Variants in CHL1 observed in about 807,000 individuals in gnomAD.
CHL1 encodes neural cell adhesion molecule L1-like protein.
CHL1 carries 96 observed loss-of-function variants against 141.9 expected under a neutral mutation model. That is an observed-to-expected ratio of 0.68 (90% confidence interval 0.57 to 0.80). The LOEUF is 0.80. Ranked by LOEUF, CHL1 falls within the 30% of genes least tolerant of loss-of-function variation. The probability of loss-of-function intolerance (pLI) is 0.00; values close to 1 mark genes in which losing one functional copy is unlikely to be tolerated. For synonymous variants in CHL1, 613 were observed against 502.2 expected, an observed-to-expected ratio of 1.22 and a Z score of -2.95; for missense variants, 1,820 against 1,457.2, an observed-to-expected ratio of 1.25 and a Z score of -4.05.
At chr3:382,787 G>A in intron 18 of CHL1, 116 bp downstream of exon 18, 1 of 887,742 alleles carries the variant, frequency 1.1e-6, no homozygotes, top group Non-Finnish European at 1.8e-6. Flanking sequence ...TCCAAATAGT[G>A]TTAACAGTTC....
intron 1 of CHL1, among the ~76,000 whole-genome samples, chr3:228,180 A>G (rs1384717555): frequency 6.6e-6 from 1 of 152,336 alleles, no homozygotes; most frequent in Non-Finnish European, 1.5e-5. Context: ...CTTAAAAACA[A>G]TATGTTTTTT....
intron 26 of CHL1, among the ~76,000 whole-genome samples, chr3:400,888 C>T (rs554888377): frequency 7.1e-6 from 1 of 141,752 alleles, no homozygotes; most frequent in East Asian, 2.2e-4. Context: ...TGTATAACAA[C>T]CAAATGACTG....
chr3:381,582 T>A (rs1399130030), intron 16 of CHL1, among the ~76,000 whole-genome samples: 1 of 152,196 alleles, frequency 6.6e-6, no homozygotes, highest in Non-Finnish European at 1.5e-5. Context: ...TGAGGTATCT[T>A]GAACTGGAGT....
At chr3:337,030 A>T (rs1036927946) in intron 5 of CHL1, among the ~76,000 whole-genome samples, 4 of 148,532 alleles carry the variant, frequency 2.7e-5, no homozygotes, top group African/African-American at 9.9e-5. Flanking sequence ...TATGACACTG[A>T]ATAATAAATG....
rs558032783 is a variant in CHL1, at chr3:378,265, A to C, written c.1876+323A>C. Among the ~76,000 whole-genome samples the C allele has an allele frequency of 3.3e-5, 5 of 152,240 alleles. No individual in the cohort carries two copies. The East Asian group carries it at 9.7e-4, about 29-fold the overall frequency. Reference sequence around the variant, plus strand: ...GCTACTCTTTCCTGGTGTACAAAGAAATGGGGCTGAGGAATGGAGGTGGGC... The same window carrying C: ...GCTACTCTTTCCTGGTGTACAAAGACATGGGGCTGAGGAATGGAGGTGGGC... On this transcript the variant is annotated intron_variant, in intron 16 of 27. Coordinates refer to ENST00000256509, the MANE Select transcript of CHL1 (RefSeq NM_006614.4).
chr3:335,961 G>C (rs908164724), intron 5 of CHL1, among the ~76,000 whole-genome samples: 1 of 152,024 alleles, frequency 6.6e-6, no homozygotes, highest in Non-Finnish European at 1.5e-5. Context: ...TTAAGTGCTT[G>C]CTCCTATTTT....
intron 2 of CHL1, among the ~76,000 whole-genome samples, chr3:279,994 G>A (rs1439309432): frequency 6.6e-6 from 1 of 151,570 alleles, no homozygotes; most frequent in African/African-American, 2.4e-5. Context: ...TTCACACTGA[G>A]TATTTTTTAA....
chr3:298,578 T>C (rs1234520589), intron 2 of CHL1, among the ~76,000 whole-genome samples: 1 of 152,242 alleles, frequency 6.6e-6, no homozygotes, highest in Middle Eastern at 3.2e-3. Flanking sequence ...TAAGCAGTGC[T>C]AGATAGTGAG....
At chr3:200,157 C>T (rs2125319450) in intron 1 of CHL1, among the ~76,000 whole-genome samples, 1 of 152,184 alleles carries the variant, frequency 6.6e-6, no homozygotes, top group East Asian at 1.9e-4. Context: ...ATTATTTTGC[C>T]CTTTAATTTA....
chr3:279,073 G>A (rs149244052), intron 2 of CHL1, among the ~76,000 whole-genome samples: 1 of 152,226 alleles, frequency 6.6e-6, no homozygotes, highest in Non-Finnish European at 1.5e-5. Flanking sequence ...GAATGATGCC[G>A]GATATTCAGT....
At chr3:379,032 GT>G (rs747525565) in intron 16 of CHL1, among the ~76,000 whole-genome samples, 4 of 152,078 alleles carry the variant, frequency 2.6e-5, no homozygotes, top group Non-Finnish European at 5.9e-5. Context: ...AAAAGTGTTG[GT>G]TTTGCCTACC....
rs145679045 is a variant in CHL1 at position 398,261 on chromosome 3, T to C, written c.3129T>C (p.Leu1043=). The C allele has an allele frequency of 3.7e-6, 6 of 1,606,302 alleles. No homozygotes were observed. The African/African-American group carries it at 8.0e-5, about 21-fold the overall frequency. Residue 1043 remains leucine, a synonymous_variant, in exon 25 of 28, where the codon CTT becomes CTC. Transcript: ENST00000256509. Reference sequence around the variant, plus strand: ...TCGGGAAGATATCAGGAGTAAATCTTACTCAAAAGACTCACCCAATAGAGG... The same window carrying C: ...TCGGGAAGATATCAGGAGTAAATCTCACTCAAAAGACTCACCCAATAGAGG... The part of the protein sequence containing the change: ...KGIGKISGVN[L]TQKTHPIEVF...
chr3:226,356 A>G (rs4685476), intron 1 of CHL1, among the ~76,000 whole-genome samples: 4 of 119,238 alleles, frequency 3.4e-5, no homozygotes, highest in Non-Finnish European at 5.2e-5. Flanking sequence ...TCTATTATAT[A>G]TTATATAATA....
Position 361,685 on chromosome 3 carries a change from T to A in CHL1, c.1307-14T>A, listed in dbSNP as rs748467970. The A allele has an allele frequency of 1.2e-4, 184 of 1,581,488 alleles. No individual in the cohort carries two copies. The highest frequency in any genetic ancestry group is 1.6e-4 in the Non-Finnish European group (180 of 1,151,728). On this transcript the variant is annotated splice_polypyrimidine_tract_variant and intron_variant, in intron 12 of 27. Transcript: ENST00000256509. ...ACAAAAGTTTAAAACTGCGTTTATG[T>A]TATTTTCAAATAGATGTCCGTCCAT...
intron 2 of CHL1, among the ~76,000 whole-genome samples, chr3:264,433 C>T (rs1320116190): frequency 6.6e-6 from 1 of 152,060 alleles, no homozygotes; most frequent in Non-Finnish European, 1.5e-5. Context: ...GAAAGCCATA[C>T]TCTGAAGGAA....
At chr3:305,660 C>T (rs1013082971) in intron 2 of CHL1, among the ~76,000 whole-genome samples, 3 of 150,742 alleles carry the variant, frequency 2.0e-5, no homozygotes, top group Admixed American at 6.6e-5. Flanking sequence ...ATTTATATAA[C>T]AGATATAAGG....
At chr3:268,190 A>AT (rs1479502886) in intron 2 of CHL1, among the ~76,000 whole-genome samples, 3 of 152,332 alleles carry the variant, frequency 2.0e-5, no homozygotes, top group Non-Finnish European at 2.9e-5. Flanking sequence ...AATAATTTGG[A>AT]ATAATAAAGT....
chr3:228,196 C>T (rs555447075), intron 1 of CHL1, among the ~76,000 whole-genome samples: 8 of 152,222 alleles, frequency 5.3e-5, no homozygotes, highest in African/African-American at 1.7e-4. Flanking sequence ...TTTTTAAGGA[C>T]AATTTTAATT....
intron 2 of CHL1, among the ~76,000 whole-genome samples, chr3:246,013 A>G (rs915915989): frequency 2.6e-5 from 4 of 152,154 alleles, no homozygotes; most frequent in Non-Finnish European, 5.9e-5. Flanking sequence ...GTATATTCTA[A>G]TATCCTTAGA....
Sources: allele counts gnomAD v4.1 joint callset (sites outside exome capture counted in the v4.1 genomes callset), GRCh38; gene constraint gnomAD v4.1.1; transcripts MANE v1.5; gene names NCBI Gene and HGNC (gene_info 2026-07-23, HGNC 2026-07-21).